Variants in SPTBN5 observed in about 807,000 individuals in gnomAD.
SPTBN5 encodes the protein spectrin beta, non-erythrocytic 5, also known as spectrin beta chain, non-erythrocytic 5.
A neutral mutation model predicts 477.6 loss-of-function variants in SPTBN5; 513 were observed. That is an observed-to-expected ratio of 1.07 (90% CI 1.00 to 1.16). The LOEUF is 1.16. SPTBN5 is among the 50% of genes most tolerant of loss of function. The pLI, the probability that SPTBN5 is intolerant of heterozygous loss-of-function variation, is 0.00. For missense variants in SPTBN5, 5,062 were observed against 4,731.8 expected, an observed-to-expected ratio of 1.07 and a Z score of -2.05; for synonymous variants, 2,169 against 2,011.7, an observed-to-expected ratio of 1.08 and a Z score of -2.09.
rs2066902379 is a variant in SPTBN5 at position 41,880,236 on chromosome 15, A to G, written c.2735T>C (p.Leu912Pro). The G allele has an allele frequency of 6.2e-7, 1 of 1,606,628 alleles. No homozygotes were observed. Among genetic ancestry groups the G allele is most frequent in the Non-Finnish European group, 8.5e-7 (1 of 1,177,036 alleles). The change falls in exon 14 of 68, where the codon CTG becomes CCG. Residue 912 changes from leucine (L) to proline (P), a missense_variant. Transcript: ENST00000320955. Reference protein sequence around the residue: ...CSSCGELQLWLEKQTVLLQRV... With the variant: ...CSSCGELQLWPEKQTVLLQRV... ...TTGGAGCAGCACTGTCTGCTTCTCCAGCCACAACTGGAGCTCCCCACAGGA... is the reference window on the plus strand; with the variant it reads ...TTGGAGCAGCACTGTCTGCTTCTCCGGCCACAACTGGAGCTCCCCACAGGA...
At chr15:41,852,767 C>G (rs929731948) in intron 60 of SPTBN5, 32 bp from the exon 61 acceptor site, 2 of 1,465,444 alleles carry the variant, frequency 1.4e-6, no homozygotes, top group Non-Finnish European at 1.9e-6. Context: ...TGACGCCCAG[C>G]TTGGGGGGGG....
intron 6 of SPTBN5, among the ~76,000 whole-genome samples, chr15:41,886,680 T>C (rs534825739): frequency 6.6e-6 from 1 of 152,198 alleles, no homozygotes; most frequent in South Asian, 2.1e-4. Flanking sequence ...GCCTTTCCCT[T>C]CCCTGAGCCT....
At chr15:41,887,538 C>T in intron 5 of SPTBN5, 97 bp from the exon 6 acceptor site, 3 of 968,674 alleles carry the variant, frequency 3.1e-6, no homozygotes, top group South Asian at 1.5e-5. Flanking sequence ...TGGCCATTCA[C>T]ATCTTCTTGT....
intron 13 of SPTBN5, 110 bp downstream of exon 13, chr15:41,880,924 T>G: frequency 1.1e-6 from 1 of 943,002 alleles, no homozygotes; most frequent in East Asian, 2.6e-5. Context: ...TGATAAAAGC[T>G]CCTTGAGGAC....
At position 41,858,750 on chromosome 15, in the gene SPTBN5, TG is replaced by T; in HGVS notation, c.8080-3del. 1 of 1,608,870 alleles carries T rather than the reference TG, an allele frequency of 6.2e-7. No individual in the cohort carries two copies. The highest frequency in any genetic ancestry group is 8.5e-7 in the Non-Finnish European group (1 of 1,178,248). On this transcript the variant is annotated splice_region_variant and splice_polypyrimidine_tract_variant and intron_variant, in intron 48 of 67. Coordinates refer to ENST00000320955, the MANE Select transcript of SPTBN5 (RefSeq NM_016642.4). The stretch of plus-strand genomic sequence containing the variant: ...CTTCTCCCTCAGCCACGCAGCCACC[TG>T]GGCACATGGGGAGGACAGGCCTGCT...
rs1206057951 is a variant in SPTBN5 at position 41,850,851 on chromosome 15, C to T, written c.10921+3G>A. The T allele has an allele frequency of 6.3e-7, 1 of 1,592,110 alleles. No individual in the cohort carries two copies. Among genetic ancestry groups the T allele is most frequent in the Non-Finnish European group, 8.5e-7 (1 of 1,170,358 alleles). On this transcript the variant is annotated splice_donor_region_variant and intron_variant, in intron 66 of 67. Transcript: ENST00000320955. ...CTCCCCGCATCCTTCCCCTGAAGCCCACCTGCAGTGCTGCCCAGGGCTCGC... is the reference window on the plus strand; with the variant it reads ...CTCCCCGCATCCTTCCCCTGAAGCCTACCTGCAGTGCTGCCCAGGGCTCGC...
chr15:41,893,565 A>C lies in SPTBN5; in HGVS notation c.-49-19T>G, dbSNP rs2067381473. On this transcript the variant is annotated intron_variant, in intron 1 of 67. Coordinates refer to ENST00000320955, the MANE Select transcript of SPTBN5 (RefSeq NM_016642.4). Reference sequence around the variant, plus strand: ...CCTAAACCTGGAGGGCATGCAGATTAGGGGATGATGTGAATGGAGATGGCC... The same window carrying C: ...CCTAAACCTGGAGGGCATGCAGATTCGGGGATGATGTGAATGGAGATGGCC... 1 of 1,525,964 alleles carries C rather than the reference A, an allele frequency of 6.6e-7. No homozygotes were observed. 94.5% of individuals were successfully genotyped at this position (1,525,964 alleles called of 1,614,324 possible).
chr15:41,880,870 C>T (rs1352040625), intron 13 of SPTBN5, among the ~76,000 whole-genome samples, 164 bp downstream of exon 13: 2 of 152,228 alleles, frequency 1.3e-5, no homozygotes, highest in Non-Finnish European at 2.9e-5. Flanking sequence ...CATGTGATCC[C>T]ATCACACCTG....
intron 4 of SPTBN5, 106 bp from the exon 5 acceptor site, chr15:41,888,191 C>T (rs2067213893): frequency 3.3e-6 from 4 of 1,198,656 alleles, no homozygotes; most frequent in Non-Finnish European, 4.6e-6. Flanking sequence ...TCCTGCTCCT[C>T]CCTGGCCCGG....
At chr15:41,886,800 G>A (rs1314815626) in intron 6 of SPTBN5, among the ~76,000 whole-genome samples, 1 of 152,182 alleles carries the variant, frequency 6.6e-6, no homozygotes, top group African/African-American at 2.4e-5. Flanking sequence ...CTCTGCCATC[G>A]TGTCCAGAGA....
At chr15:41,860,877 C>T in intron 46 of SPTBN5, 119 bp from the exon 47 acceptor site, 4 of 1,012,378 alleles carry the variant, frequency 4.0e-6, no homozygotes, top group African/African-American at 1.7e-5. Context: ...CTGCTCCGCC[C>T]AAACACATCC....
chr15:41,880,168 T>G lies in SPTBN5; in HGVS notation c.2803A>C (p.Lys935Gln). 1.9e-6 allele frequency: 3 copies of G among 1,599,776 alleles called. No homozygotes were observed. Among genetic ancestry groups the G allele is most frequent in the Non-Finnish European group, 2.6e-6 (3 of 1,174,040 alleles). Residue 935 changes from lysine to glutamine, a missense_variant, in exon 14 of 68, where the codon AAA becomes CAA. Coordinates refer to ENST00000320955, the MANE Select transcript of SPTBN5 (RefSeq NM_016642.4). ...AGCTCCCAGGGCTGTACCTCATATT[T>G]GAGCTGCATGACCTCCAGGGTGTCA... ...QADTLEVMQL[K>Q]YENFLTALAV...
Position 41,874,031 on chromosome 15 carries a change from C to G in SPTBN5, c.4704G>C (p.Glu1568Asp). 2 of 1,596,360 alleles carry G rather than the reference C, an allele frequency of 1.3e-6. No individual in the cohort carries two copies. The highest frequency in any genetic ancestry group is 1.7e-6 in the Non-Finnish European group (2 of 1,177,922). Residue 1568 changes from glutamate (E) to aspartate (D), a missense_variant, in exon 25 of 68, where the codon GAG becomes GAC. By Grantham distance (45) the Glu-to-Asp change is conservative. Coordinates refer to ENST00000320955, the MANE Select transcript of SPTBN5 (RefSeq NM_016642.4). The part of the protein sequence containing the change: ...LHRKHKELQV[E>D]VKAHQGQVQR... ...GCACCTGCCCCTGGTGAGCTTTTAC[C>G]TCCACCTGGAGCTCCTGCCACAGAG...
rs2065789429 is a variant in SPTBN5 at position 41,852,270 on chromosome 15, C to T, written c.10496G>A (p.Arg3499Lys). ...LLQPQELKPGRAGSSLTSFQW... is the reference protein window; with the variant it reads ...LLQPQELKPGKAGSSLTSFQW... ...AAAGGATGTCAGCGAGCTGCCAGCT[C>T]TCCCGGGCTTCAGCTCCTGTGGCTG... The change falls in exon 62 of 68, where the codon AGA becomes AAA. Residue 3499 changes from arginine (R) to lysine (K), a missense_variant. Coordinates refer to ENST00000320955, the MANE Select transcript of SPTBN5 (RefSeq NM_016642.4). 1.2e-6 allele frequency: 2 copies of T among 1,606,184 alleles called. No individual in the cohort carries two copies. The highest frequency in any genetic ancestry group is 1.7e-6 in the Non-Finnish European group (2 of 1,176,434).
intron 15 of SPTBN5, 63 bp downstream of exon 15, chr15:41,879,671 T>G: frequency 6.3e-7 from 1 of 1,590,134 alleles, no homozygotes; most frequent in South Asian, 1.1e-5. Context: ...GGCAGGTGAG[T>G]CAGGCCCAGG....
At chr15:41,865,983 G>A in intron 38 of SPTBN5, 55 bp downstream of exon 38, 1 of 1,545,176 alleles carries the variant, frequency 6.5e-7, no homozygotes, top group Non-Finnish European at 8.8e-7. Context: ...GATCCCTCCT[G>A]TCAAGGGAGG....
chr15:41,884,207 T>C (rs1167351064), intron 7 of SPTBN5, among the ~76,000 whole-genome samples: 1 of 152,064 alleles, frequency 6.6e-6, no homozygotes, highest in African/African-American at 2.4e-5. Flanking sequence ...AGGATGGTCT[T>C]GATCTCTTGA....
intron 25 of SPTBN5, 32 bp from the exon 26 acceptor site, chr15:41,873,640 A>C: frequency 6.6e-7 from 1 of 1,523,394 alleles, no homozygotes; most frequent in Non-Finnish European, 8.9e-7. Flanking sequence ...CACCTGGAGG[A>C]TCTCAGACAG....
chr15:41,857,561 G>C lies in SPTBN5; in HGVS notation c.8364+12C>G. The C allele has an allele frequency of 6.2e-7, 1 of 1,607,044 alleles. No individual in the cohort carries two copies. Among genetic ancestry groups the C allele is most frequent in the Non-Finnish European group, 8.5e-7 (1 of 1,175,996 alleles). On this transcript the variant is annotated intron_variant, in intron 50 of 67. Transcript: ENST00000320955. ...AGCCCGGCCAGCCACCCCTCGGCCT[G>C]CACAACCTCACCTCACAGGCCTTCT...
Sources: allele counts gnomAD v4.1 joint callset (sites outside exome capture counted in the v4.1 genomes callset), GRCh38; gene constraint gnomAD v4.1.1; transcripts MANE v1.5; gene names NCBI Gene and HGNC (gene_info 2026-07-23, HGNC 2026-07-21).